The following DLGAP2 variants were observed in gnomAD, a reference collection of about 807,000 sequenced individuals.
DLGAP2 encodes disks large-associated protein 2.
In DLGAP2, 26 loss-of-function variants were observed where a neutral mutation model predicts 100.3. That is an observed-to-expected ratio of 0.26 (90% CI 0.19 to 0.36). The LOEUF is 0.36. DLGAP2 is among the 10% of genes least tolerant of loss of function. The probability of loss-of-function intolerance (pLI) is 1.00; values close to 1 mark genes in which losing one functional copy is unlikely to be tolerated. For missense variants in DLGAP2, 1,858 were observed against 1,453.2 expected (o/e 1.28, Z -4.53); for synonymous variants, 886 against 630.1 (o/e 1.41, Z -6.08).
At chr8:1,679,773 G>A (rs2130857397) in intron 12 of DLGAP2, among the ~76,000 whole-genome samples, 1 of 152,164 alleles carries the variant, frequency 6.6e-6, no homozygotes, top group East Asian at 1.9e-4. Flanking sequence ...CCTGAGGTCA[G>A]GAGTTACAGA....
At chr8:967,935 A>G (rs1190056495) in intron 2 of DLGAP2, among the ~76,000 whole-genome samples, 2 of 137,528 alleles carry the variant, frequency 1.5e-5, no homozygotes, top group South Asian at 2.5e-4. Flanking sequence ...CATGATGACT[A>G]TGATGTTGTT....
chr8:1,268,494 A>G (rs548196401), intron 3 of DLGAP2, among the ~76,000 whole-genome samples: 1 of 152,336 alleles, frequency 6.6e-6, no homozygotes, highest in Admixed American at 6.5e-5. Flanking sequence ...TCCGCGTTAG[A>G]GTGTCGCCAT....
intron 4 of DLGAP2, among the ~76,000 whole-genome samples, chr8:1,510,906 C>G (rs1800138956): frequency 6.6e-6 from 1 of 152,188 alleles, no homozygotes; most frequent in Non-Finnish European, 1.5e-5. Flanking sequence ...TGGAGTAAAC[C>G]TAGAAGGAAC....
intron 6 of DLGAP2, among the ~76,000 whole-genome samples, chr8:1,608,493 C>T (rs1271510270): frequency 1.3e-4 from 9 of 69,060 alleles, no homozygotes; most frequent in Non-Finnish European, 2.4e-4. Flanking sequence ...CTCTCCTCCT[C>T]CAAAGGAACG....
At chr8:910,347 G>GT (rs1798460599) in intron 2 of DLGAP2, 1 of 152,080 alleles carries the variant, frequency 6.6e-6, no homozygotes, top group Non-Finnish European at 1.5e-5. Flanking sequence ...ATATCCTATC[G>GT]TTTTCTCTTG....
At chr8:1,026,028 C>A (rs1248954000) in intron 2 of DLGAP2, among the ~76,000 whole-genome samples, 3 of 152,228 alleles carry the variant, frequency 2.0e-5, no homozygotes, top group Non-Finnish European at 2.9e-5. Context: ...GCAGAAGGCT[C>A]CGGCCCGTCC....
At chr8:913,140 A>AT (rs1798521952) in intron 2 of DLGAP2, among the ~76,000 whole-genome samples, 1 of 152,284 alleles carries the variant, frequency 6.6e-6, no homozygotes, top group South Asian at 2.1e-4. Flanking sequence ...ACAAGGTAGG[A>AT]TTTTGGAAGC....
chr8:1,030,502 T>G (rs530782628), intron 2 of DLGAP2, among the ~76,000 whole-genome samples: 1 of 152,328 alleles, frequency 6.6e-6, no homozygotes, highest in South Asian at 2.1e-4. Context: ...GGCTGTAATG[T>G]GTATTTTATT....
chr8:1,149,639 G>C (rs1231331158), intron 2 of DLGAP2, among the ~76,000 whole-genome samples: 3 of 151,940 alleles, frequency 2.0e-5, no homozygotes, highest in Non-Finnish European at 4.4e-5. Context: ...TTTTCATCTG[G>C]TCAGACTGTA....
chr8:1,629,330 ACT>A (rs1167157784), intron 7 of DLGAP2, among the ~76,000 whole-genome samples: 1 of 151,928 alleles, frequency 6.6e-6, no homozygotes, highest in Admixed American at 6.6e-5. Context: ...AATTGCATTG[ACT>A]CTTTTTCCCA....
At chr8:1,389,360 G>A (rs1020628582) in intron 3 of DLGAP2, among the ~76,000 whole-genome samples, 12 of 152,128 alleles carry the variant, frequency 7.9e-5, no homozygotes, top group South Asian at 2.1e-4. Context: ...GCAGCATCCC[G>A]GGGAAGCCAG....
chr8:945,540 C>G (rs1157343108), intron 2 of DLGAP2, among the ~76,000 whole-genome samples: 2 of 152,162 alleles, frequency 1.3e-5, no homozygotes, highest in African/African-American at 2.4e-5. Context: ...ATTTCCCTCC[C>G]TGCCCCATCT....
intron 2 of DLGAP2, among the ~76,000 whole-genome samples, chr8:1,222,378 A>G (rs374796288): frequency 1.3e-5 from 2 of 152,134 alleles, no homozygotes; most frequent in Admixed American, 6.5e-5. Flanking sequence ...CAGGGGCTGC[A>G]TGCTCTAACC....
intron 3 of DLGAP2, among the ~76,000 whole-genome samples, chr8:1,453,366 C>G (rs777926549): frequency 2.0e-5 from 3 of 152,112 alleles, no homozygotes; most frequent in Non-Finnish European, 4.4e-5. Context: ...AGTACTTTCA[C>G]AAGTGTCTGA....
intron 4 of DLGAP2, among the ~76,000 whole-genome samples, chr8:1,516,174 C>T (rs183252398): frequency 8.3e-4 from 120 of 145,394 alleles, no homozygotes; most frequent in African/African-American, 3.0e-3. Context: ...GATGAGTGAC[C>T]AAGTGAGTTA....
intron 2 of DLGAP2, among the ~76,000 whole-genome samples, chr8:1,166,291 C>G (rs192891682): frequency 2.0e-5 from 3 of 152,340 alleles, no homozygotes; most frequent in African/African-American, 7.2e-5. Context: ...GATGCACCAC[C>G]CCGTGCTTCC....
At chr8:1,482,961 G>A (rs1422138415) in intron 3 of DLGAP2, among the ~76,000 whole-genome samples, 3 of 152,222 alleles carry the variant, frequency 2.0e-5, no homozygotes, top group African/African-American at 7.2e-5. Context: ...CCCACAGCCC[G>A]GCCATCCTCA....
At chr8:1,278,736 T>G (rs749446158) in intron 3 of DLGAP2, among the ~76,000 whole-genome samples, 33 of 152,244 alleles carry the variant, frequency 2.2e-4, no homozygotes, top group South Asian at 4.1e-4. Flanking sequence ...TTTCATTTGA[T>G]AAATGAATTA....
At chr8:1,160,067 C>T (rs914948576) in intron 2 of DLGAP2, among the ~76,000 whole-genome samples, 4 of 152,240 alleles carry the variant, frequency 2.6e-5, no homozygotes, top group African/African-American at 4.8e-5. Flanking sequence ...CACGGCACCT[C>T]ACAGGCGGAA....
Sources: gnomAD v4.1 joint callset for allele counts (sites outside exome capture counted in the v4.1 genomes callset) on GRCh38, gnomAD v4.1.1 for gene constraint, MANE v1.5 for transcripts, NCBI Gene and HGNC (gene_info 2026-07-23, HGNC 2026-07-21) for gene names.